TBC1D5: variants seen among roughly 807,000 people sequenced by gnomAD.
The protein encoded by TBC1D5 is TBC1 domain family, member 5.
TBC1D5 carries 75 observed loss-of-function variants against 100.3 expected under a neutral mutation model. That is an observed-to-expected ratio of 0.75 (90% CI 0.62 to 0.91). The LOEUF (loss-of-function observed/expected upper bound fraction) is 0.91. TBC1D5 is among the 40% of genes least tolerant of loss of function. TBC1D5 has a pLI of 0.00. For missense variants in TBC1D5, 910 were observed against 942.4 expected (o/e 0.97, Z 0.45); for synonymous variants, 323 against 325.6 (o/e 0.99, Z 0.09).
chr3:17,742,174 G>A (rs925275841), upstream of TBC1D5, among the ~76,000 whole-genome samples: 10 of 152,146 alleles, frequency 6.6e-5, no homozygotes. Flanking sequence ...CGCCCTGCCC[G>A]CCCTGCCCGC....
chr3:17,186,710 C>CAAAAAAAAAAAAAAAAAAAAAAAAAAAA (rs58438478), intron 18 of TBC1D5, among the ~76,000 whole-genome samples: 5 of 27,280 alleles, frequency 1.8e-4, no homozygotes, highest in East Asian at 3.6e-3. Flanking sequence ...ACTCTATCTC[C>CAAAAAAAAAAAAAAAAAAAAAAAAAAAA]AAAAAAAAAA....
At chr3:17,321,949 T>C (rs2085460171) in intron 13 of TBC1D5, among the ~76,000 whole-genome samples, 1 of 152,236 alleles carries the variant, frequency 6.6e-6, no homozygotes, top group East Asian at 1.9e-4. Context: ...CTAGTTTCTC[T>C]GTACTCTTAC....
At chr3:17,484,972 G>C (rs1371033095) in intron 3 of TBC1D5, among the ~76,000 whole-genome samples, 1 of 152,014 alleles carries the variant, frequency 6.6e-6, no homozygotes, top group African/African-American at 2.4e-5. Flanking sequence ...CTTTTGCAAG[G>C]TAACACTGGA....
At chr3:17,182,097 T>C (rs2068517403) in intron 19 of TBC1D5, among the ~76,000 whole-genome samples, 2 of 152,200 alleles carry the variant, frequency 1.3e-5, no homozygotes, top group African/African-American at 4.8e-5. Context: ...AATCTTCGTG[T>C]TTTCCTTGAA....
intron 17 of TBC1D5, among the ~76,000 whole-genome samples, chr3:17,221,102 C>T (rs1292864607): frequency 6.6e-6 from 1 of 151,888 alleles, no homozygotes; most frequent in African/African-American, 2.4e-5. Flanking sequence ...TCATATCTTC[C>T]TTTAAAAAAC....
intron 3 of TBC1D5, among the ~76,000 whole-genome samples, chr3:17,480,173 C>T (rs991456987): frequency 3.3e-5 from 5 of 152,344 alleles, no homozygotes; most frequent in Middle Eastern, 3.4e-3. Flanking sequence ...TTCAGGACTT[C>T]GGGCACCAGC....
chr3:17,536,200 C>G (rs911529986), intron 2 of TBC1D5, among the ~76,000 whole-genome samples: 2 of 152,012 alleles, frequency 1.3e-5, no homozygotes, highest in Non-Finnish European at 2.9e-5. Context: ...GTTTTTTAAG[C>G]TTAATACAGA....
rs181545703 is a variant in TBC1D5, at chr3:17,272,917, C to A, written c.1246-14326G>T. Among the ~76,000 whole-genome samples, 299 of 152,234 alleles carry A rather than the reference C, an allele frequency of 2.0e-3. 1 individual carries two copies. The highest frequency in any genetic ancestry group is 3.3e-3 in the Admixed American group (50 of 15,286). The stretch of plus-strand genomic sequence containing the variant: ...TATATGTGTTTGAAAATAGTCATTC[C>A]TTTGTAATCAACAGCACTATGTTGC... On this transcript the variant is annotated intron_variant, in intron 15 of 21. Coordinates refer to ENST00000253692, the Ensembl canonical transcript of TBC1D5.
chr3:17,395,063 C>T (rs970240092), intron 8 of TBC1D5, among the ~76,000 whole-genome samples: 13 of 152,060 alleles, frequency 8.5e-5, no homozygotes, highest in South Asian at 2.1e-4. Context: ...AATCACCATA[C>T]AGTTGAGAAG....
chr3:17,246,212 A>G (rs1244403334), intron 16 of TBC1D5, among the ~76,000 whole-genome samples: 1 of 152,230 alleles, frequency 6.6e-6, no homozygotes, highest in Non-Finnish European at 1.5e-5. Flanking sequence ...GATTATATGT[A>G]GAAAAACAAA....
At chr3:17,220,963 C>A (rs2167120) in intron 17 of TBC1D5, among the ~76,000 whole-genome samples, 1 of 151,998 alleles carries the variant, frequency 6.6e-6, no homozygotes, top group Non-Finnish European at 1.5e-5. Context: ...TTGACTTATA[C>A]CCCTCCAGTG....
chr3:17,179,010 G>A (rs754491970), intron 19 of TBC1D5, among the ~76,000 whole-genome samples: 6 of 151,822 alleles, frequency 4.0e-5, no homozygotes, highest in African/African-American at 4.8e-5. Flanking sequence ...TTCACAGGCC[G>A]GATCACAGCA....
chr3:17,199,783 T>A lies in TBC1D5; in HGVS notation c.1752+14424A>T, dbSNP rs188485862. Among the ~76,000 whole-genome samples the A allele has an allele frequency of 3.3e-5, 5 of 152,316 alleles. No homozygotes were observed. In the East Asian group the frequency reaches 5.8e-4, roughly 18 times the overall value. ...GGCCAGAGCGATTACCTGGAGGTAA[T>A]CCTTGATGTTGATCTGAAAGGCCCT... On this transcript the variant is annotated intron_variant, in intron 18 of 21. Transcript: ENST00000253692.
chr3:17,674,682 G>A (rs2068392882), intron 1 of TBC1D5, among the ~76,000 whole-genome samples: 1 of 151,804 alleles, frequency 6.6e-6, no homozygotes, highest in African/African-American at 2.4e-5. Flanking sequence ...TTTTTTCTAG[G>A]ACCTTCCTGC....
intron 14 of TBC1D5, among the ~76,000 whole-genome samples, chr3:17,304,577 T>C (rs1481918844): frequency 6.6e-6 from 1 of 152,086 alleles, no homozygotes; most frequent in Admixed American, 6.5e-5. Context: ...CCGGCCAAAT[T>C]TTATTTTTTG....
intron 3 of TBC1D5, among the ~76,000 whole-genome samples, chr3:17,438,889 A>C (rs1053062609): frequency 2.6e-5 from 4 of 152,132 alleles, no homozygotes; most frequent in African/African-American, 9.7e-5. Context: ...TATTTAGGGA[A>C]TTCTAACCCT....
At chr3:17,554,555 CTTATG>C (rs1457597417) in intron 2 of TBC1D5, among the ~76,000 whole-genome samples, 3 of 152,168 alleles carry the variant, frequency 2.0e-5, no homozygotes, top group Non-Finnish European at 4.4e-5. Flanking sequence ...TCCTATTATT[CTTATG>C]TTATGCTCAG....
At chr3:17,169,599 T>C (rs988840736) in intron 19 of TBC1D5, among the ~76,000 whole-genome samples, 2 of 152,160 alleles carry the variant, frequency 1.3e-5, no homozygotes, top group Non-Finnish European at 2.9e-5. Context: ...AGAAAGCAAG[T>C]TGAATGGGAA....
intron 3 of TBC1D5, among the ~76,000 whole-genome samples, chr3:17,464,791 T>A (rs1021258705): frequency 5.3e-5 from 8 of 152,166 alleles, no homozygotes; most frequent in African/African-American, 1.9e-4. Context: ...TGGTGAAGTA[T>A]CTGAAAACTA....
Sources: gnomAD v4.1 joint callset for allele counts (sites outside exome capture counted in the v4.1 genomes callset) on GRCh38, gnomAD v4.1.1 for gene constraint, MANE v1.5 for transcripts, NCBI Gene and HGNC (gene_info 2026-07-23, HGNC 2026-07-21) for gene names.